ASRGL1: variants seen among roughly 807,000 people sequenced by gnomAD.
The protein encoded by ASRGL1 is isoaspartyl peptidase/L-asparaginase.
Under a neutral mutation model 22.4 loss-of-function variants are expected in ASRGL1, and 16 were observed. The observed-to-expected ratio is 0.71, with a 90% confidence interval of 0.48 to 1.08. The LOEUF (loss-of-function observed/expected upper bound fraction) is 1.08. ASRGL1 is among the 50% of genes least tolerant of loss of function. The probability of loss-of-function intolerance (pLI) is 0.00; values close to 1 mark genes in which losing one functional copy is unlikely to be tolerated. For missense variants in ASRGL1, 412 were observed against 410.1 expected (o/e 1.00, Z -0.04); for synonymous variants, 165 against 159.3 (o/e 1.04, Z -0.27).
chr11:62,377,574 C>T (rs769812686), intron 4 of ASRGL1, among the ~76,000 whole-genome samples: 5 of 152,074 alleles, frequency 3.3e-5, no homozygotes, highest in African/African-American at 7.2e-5. Flanking sequence ...GTTCATGTCT[C>T]GTAATTTTAG....
intron 4 of ASRGL1, among the ~76,000 whole-genome samples, chr11:62,362,891 A>ATTTTTTTTTTTTTT (rs60507577): frequency 2.0e-5 from 1 of 50,366 alleles, no homozygotes; most frequent in African/African-American, 9.7e-5. Context: ...AAAGGATTTA[A>ATTTTTTTTTTTTTT]TTTTTTTTTT....
intron 4 of ASRGL1, among the ~76,000 whole-genome samples, chr11:62,367,155 G>C (rs1946630901): frequency 6.6e-6 from 1 of 151,616 alleles, no homozygotes; most frequent in African/African-American, 2.4e-5. Context: ...TGGCTAACAC[G>C]GTGAAACCGC....
intron 4 of ASRGL1, among the ~76,000 whole-genome samples, chr11:62,388,309 T>G (rs560776242): frequency 2.0e-4 from 31 of 152,270 alleles, no homozygotes; most frequent in Admixed American, 6.5e-4. Flanking sequence ...ATTTGATCTT[T>G]ACGACAACCC....
At chr11:62,379,774 G>T (rs1947018473) in intron 4 of ASRGL1, among the ~76,000 whole-genome samples, 1 of 152,146 alleles carries the variant, frequency 6.6e-6, no homozygotes, top group Admixed American at 6.5e-5. Context: ...TGAGGCACTT[G>T]TGACAGTGGG....
chr11:62,391,900 A>G (rs2134707096), intron 6 of ASRGL1, 179 bp from the exon 7 acceptor site: 1 of 778,900 alleles, frequency 1.3e-6, no homozygotes, highest in Non-Finnish European at 2.0e-6. Context: ...CCCTCTGCTC[A>G]GGCTGATGCT....
In ASRGL1 at chr11:62,356,438, A is replaced by T. The variant is rs753316029; in HGVS notation, c.304A>T (p.Ile102Phe). The T allele has an allele frequency of 1.9e-6, 3 of 1,614,226 alleles. No homozygotes were observed. Among genetic ancestry groups the T allele is most frequent in the Non-Finnish European group, 2.5e-6 (3 of 1,180,036 alleles). Residue 102 changes from isoleucine (I) to phenylalanine (F), a missense_variant, in exon 3 of 7, where the codon ATT becomes TTT. Physicochemically the swap from Ile to Phe is conservative, Grantham distance 21 (BLOSUM62 0). Coordinates refer to ENST00000415229, the MANE Select transcript of ASRGL1 (RefSeq NM_001083926.2). ...CGCAGTCCAGTGTATAGCAAATCCC[A>T]TTAAACTTGCTCGGCTTGTCATGGA... is the stretch of plus-strand genomic sequence containing the variant. The part of the protein sequence containing the change: ...VSAVQCIANP[I>F]KLARLVMEKT...
rs1590742629 is a variant in ASRGL1 at position 62,372,694 on chromosome 11, G to A, written c.491+15550G>A. 3.9e-6 allele frequency: 5 copies of A among 1,275,226 alleles called. No individual in the cohort carries two copies. The Admixed American group carries it at 5.0e-5, about 13-fold the overall frequency. The allele number at this position is 1,275,226 out of a possible 1,614,324, so 79.0% of individuals were successfully genotyped here. A position where few individuals can be genotyped will look rare whatever the true frequency, so the allele number is the denominator to read the frequency against. On this transcript the variant is annotated intron_variant, in intron 4 of 6. Transcript: ENST00000415229. ...GGCTTCAGTGGCTATGGCTGGCTGG[G>A]CTACACAGAGCAGAAGGATGAGATG... is the stretch of plus-strand genomic sequence containing the variant.
Position 62,338,055 on chromosome 11 carries a change from C to A in ASRGL1, c.78C>A (p.Gly26=). The A allele has an allele frequency of 3.1e-6, 5 of 1,608,154 alleles. No homozygotes were observed. The highest frequency in any genetic ancestry group is 4.2e-6 in the Non-Finnish European group (5 of 1,177,746). ...ATCGGAAGGAGCGAGTGCACCAGGG[C>A]ATGGTCAGAGCCGCCACCGTGGGCT... The part of the protein sequence containing the change: ...SKDRKERVHQ[G]MVRAATVGYG... Residue 26 remains glycine (G), a synonymous_variant, in exon 2 of 7, where the codon GGC becomes GGA. Coordinates refer to ENST00000415229, the MANE Select transcript of ASRGL1 (RefSeq NM_001083926.2).
intron 4 of ASRGL1, among the ~76,000 whole-genome samples, chr11:62,368,765 G>A (rs1050359774): frequency 9.0e-5 from 12 of 133,062 alleles, no homozygotes; most frequent in African/African-American, 2.5e-4. Flanking sequence ...AAAGGTCTCT[G>A]TGTCATAAAC....
At chr11:62,387,799 G>A (rs1249015498) in intron 4 of ASRGL1, among the ~76,000 whole-genome samples, 1 of 152,186 alleles carries the variant, frequency 6.6e-6, no homozygotes, top group Non-Finnish European at 1.5e-5. Flanking sequence ...ATGGGAGAAA[G>A]GACTTTGTTT....
At chr11:62,387,058 A>G (rs1254700613) in intron 4 of ASRGL1, among the ~76,000 whole-genome samples, 2 of 62,200 alleles carry the variant, frequency 3.2e-5, no homozygotes, top group Non-Finnish European at 7.8e-5. Context: ...ACACTTAGCT[A>G]ATTTTTTTTT....
At chr11:62,384,616 G>A (rs1947158540) in intron 4 of ASRGL1, among the ~76,000 whole-genome samples, 2 of 150,720 alleles carry the variant, frequency 1.3e-5, no homozygotes, top group African/African-American at 4.9e-5. Context: ...ATTTCACTAT[G>A]TATATCAAAA....
chr11:62,339,135 G>A (rs903681314), intron 2 of ASRGL1, among the ~76,000 whole-genome samples: 1 of 152,168 alleles, frequency 6.6e-6, no homozygotes, highest in African/African-American at 2.4e-5. Flanking sequence ...TCTTCAGAAT[G>A]TAGATTTTCC....
chr11:62,343,253 C>T (rs1945913804), intron 2 of ASRGL1, among the ~76,000 whole-genome samples: 1 of 151,376 alleles, frequency 6.6e-6, no homozygotes. Context: ...TGGTGGGCAC[C>T]TGTGGTCCCA....
At chr11:62,398,545 A>G in the ASRGL1 span, among the ~76,000 whole-genome samples, 1 of 152,034 alleles carries the variant, frequency 6.6e-6, no homozygotes, top group African/African-American at 2.4e-5. Flanking sequence ...CGGGGGCTCG[A>G]ACCCCCAAAT....
intron 4 of ASRGL1, chr11:62,372,862 T>G: frequency 1.9e-6 from 3 of 1,603,276 alleles, no homozygotes; most frequent in Middle Eastern, 2.0e-4. Context: ...GAATCTACCA[T>G]GTACCCAAAA....
chr11:62,356,107 A>G (rs890337736), intron 2 of ASRGL1, among the ~76,000 whole-genome samples: 5 of 152,000 alleles, frequency 3.3e-5, no homozygotes, highest in African/African-American at 9.7e-5. Flanking sequence ...CGCCATTGTC[A>G]TCATGGCCCG....
At chr11:62,371,266 A>C in intron 4 of ASRGL1, 1 of 1,352,994 alleles carries the variant, frequency 7.4e-7, no homozygotes, top group Non-Finnish European at 9.7e-7. Flanking sequence ...CTGCAGTAGC[A>C]GCAGTGGTGG....
intron 4 of ASRGL1, among the ~76,000 whole-genome samples, chr11:62,375,231 G>A: frequency 6.6e-6 from 1 of 151,746 alleles, no homozygotes; most frequent in Non-Finnish European, 1.5e-5. Context: ...AGAGTTGTGG[G>A]GGAAGGGTGC....
Sources: gnomAD v4.1 joint callset for allele counts (sites outside exome capture counted in the v4.1 genomes callset) on GRCh38, gnomAD v4.1.1 for gene constraint, MANE v1.5 for transcripts, NCBI Gene and HGNC (gene_info 2026-07-23, HGNC 2026-07-21) for gene names.